The following PRKAG2 variants were observed in gnomAD, a reference collection of about 807,000 sequenced individuals.
PRKAG2 encodes 5'-AMP-activated protein kinase subunit gamma-2.
In PRKAG2, 26 loss-of-function variants were observed where a neutral mutation model predicts 69.6. The observed-to-expected ratio is 0.37, with a 90% CI of 0.27 to 0.52. The LOEUF (loss-of-function observed/expected upper bound fraction) is 0.52. Among genes scored for constraint, PRKAG2 ranks in the 20% least tolerant of loss-of-function variants. The pLI is 0.90. For missense variants in PRKAG2, 557 were observed against 740.0 expected, an observed-to-expected ratio of 0.75 and a Z score of 2.87; for synonymous variants, 293 against 285.0, an observed-to-expected ratio of 1.03 and a Z score of -0.28.
At chr7:151,683,173 A>AG (rs1363680096) in intron 3 of PRKAG2, among the ~76,000 whole-genome samples, 2 of 152,206 alleles carry the variant, frequency 1.3e-5, no homozygotes, top group Non-Finnish European at 2.9e-5. Context: ...ACACCACGAA[A>AG]GGGGGTCCAG....
At position 151,638,526 on chromosome 7, in the gene PRKAG2, C is replaced by T. The variant is rs187670315; in HGVS notation, c.685-6388G>A. 2.1e-3 allele frequency among the ~76,000 whole-genome samples: 320 copies of T among 151,982 alleles called. 1 individual carries two copies. The highest frequency in any genetic ancestry group is 7.3e-3 in the African/African-American group (303 of 41,446). Reference sequence around the variant, plus strand: ...GCGCACACCTGTAGTCCCAGCTACTCGGGAGGCTGAGGCAGGAGAATCGCT... The same window carrying T: ...GCGCACACCTGTAGTCCCAGCTACTTGGGAGGCTGAGGCAGGAGAATCGCT... On this transcript the variant is annotated intron_variant, in intron 4 of 15. Coordinates refer to ENST00000287878, the MANE Select transcript of PRKAG2 (RefSeq NM_016203.4). The surrounding 1 kb of genome is among the most constrained non-coding windows in gnomAD (Gnocchi z 4.3).
intron 1 of PRKAG2, among the ~76,000 whole-genome samples, chr7:151,801,670 T>A (rs1377273218): frequency 6.6e-6 from 1 of 152,198 alleles, no homozygotes; most frequent in Non-Finnish European, 1.5e-5. Context: ...ATTTTTGGTG[T>A]TTTGTTGCCA....
chr7:151,614,928 G>C lies in PRKAG2; in HGVS notation c.754+17141C>G, dbSNP rs765456740. On this transcript the variant is annotated intron_variant, in intron 5 of 15. Transcript: ENST00000287878. The surrounding 1 kb of genome is among the most constrained non-coding windows in gnomAD (Gnocchi z 4.4). ...CAGAGGGAACCTCGAGAGAGGAGCC[G>C]TGTGGATCTAGAGGGAACCTCGAGA... Among the ~76,000 whole-genome samples the C allele has an allele frequency of 6.6e-6, 1 of 152,200 alleles. No individual in the cohort carries two copies. Among genetic ancestry groups the C allele is most frequent in the African/African-American group, 2.4e-5 (1 of 41,458 alleles).
Position 151,556,330 on chromosome 7 carries a change from A to G in PRKAG2, c.*871T>C, listed in dbSNP as rs1803785049. ...AAAAACAATCGCATCAGCAGTCATAACAAACATCATGATTTTACATTTCAA... is the reference window on the plus strand; with the variant it reads ...AAAAACAATCGCATCAGCAGTCATAGCAAACATCATGATTTTACATTTCAA... On this transcript the variant is annotated 3_prime_UTR_variant, in exon 16 of 16. Coordinates refer to ENST00000287878, the MANE Select transcript of PRKAG2 (RefSeq NM_016203.4). 1 of 152,666 alleles carries G rather than the reference A, an allele frequency of 6.6e-6. No individual in the cohort carries two copies. Among genetic ancestry groups the G allele is most frequent in the South Asian group, 2.1e-4 (1 of 4,830 alleles). The allele number at this position is 152,666 out of a possible 1,614,324, so 9.5% of individuals were successfully genotyped here.
intron 3 of PRKAG2, among the ~76,000 whole-genome samples, chr7:151,715,404 G>A (rs1796028030): frequency 6.7e-6 from 1 of 149,534 alleles, no homozygotes; most frequent in African/African-American, 2.5e-5. Context: ...CTGGAGTGCA[G>A]TGGCACAATC....
At chr7:151,826,651 G>A (rs2078910677) in intron 1 of PRKAG2, among the ~76,000 whole-genome samples, 1 of 152,166 alleles carries the variant, frequency 6.6e-6, no homozygotes, top group African/African-American at 2.4e-5. Context: ...AAAAAGTAAT[G>A]ACTGTAAGTG....
chr7:151,842,890 C>T (rs1418539518), intron 1 of PRKAG2, among the ~76,000 whole-genome samples: 1 of 151,888 alleles, frequency 6.6e-6, no homozygotes, highest in Non-Finnish European at 1.5e-5. Context: ...GGAAACGTGT[C>T]TTTAGGATAG....
At chr7:151,624,272 A>T (rs889078548) in intron 5 of PRKAG2, among the ~76,000 whole-genome samples, 2 of 151,670 alleles carry the variant, frequency 1.3e-5, no homozygotes, top group Non-Finnish European at 1.5e-5. Flanking sequence ...TCCTGGACTC[A>T]GGAGGCATGG....
rs191977615 is a variant in PRKAG2 at position 151,725,405 on chromosome 7, T to C, written c.467-49768A>G. On this transcript the variant is annotated intron_variant, in intron 3 of 15. Transcript: ENST00000287878. Reference sequence around the variant, plus strand: ...GGGGAGGAGCATGGGGAGTCAGGGTTGATGGGCCAGAGTTTAAGTGCTTCA... The same window carrying C: ...GGGGAGGAGCATGGGGAGTCAGGGTCGATGGGCCAGAGTTTAAGTGCTTCA... 9.9e-5 allele frequency among the ~76,000 whole-genome samples: 15 copies of C among 151,888 alleles called. No homozygotes were observed. The East Asian group carries it at 1.6e-3, about 16-fold the overall frequency.
chr7:151,570,363 T>A, intron 9 of PRKAG2, 138 bp from the exon 10 acceptor site: 1 of 963,878 alleles, frequency 1.0e-6, no homozygotes, highest in Non-Finnish European at 1.5e-6. Flanking sequence ...TTAATTTGCC[T>A]AAAACTCCTG....
intron 3 of PRKAG2, among the ~76,000 whole-genome samples, chr7:151,768,752 C>T (rs2075871036): frequency 1.3e-5 from 2 of 152,264 alleles, no homozygotes; most frequent in African/African-American, 4.8e-5. Context: ...TAGGCGTGAG[C>T]CACTGCACCT....
At chr7:151,833,201 C>T (rs1268893086) in intron 1 of PRKAG2, among the ~76,000 whole-genome samples, 3 of 152,162 alleles carry the variant, frequency 2.0e-5, no homozygotes, top group African/African-American at 4.8e-5. Flanking sequence ...TAGATGGTCA[C>T]GGAAGGCCTC....
chr7:151,576,528 T>G, intron 6 of PRKAG2, 76 bp from the exon 7 acceptor site: 1 of 1,296,616 alleles, frequency 7.7e-7, no homozygotes, highest in Non-Finnish European at 1.1e-6. Flanking sequence ...TGAGACAAGG[T>G]TTCACTCTGT....
intron 3 of PRKAG2, among the ~76,000 whole-genome samples, chr7:151,754,094 C>G (rs574233340): frequency 6.6e-6 from 1 of 152,176 alleles, no homozygotes; most frequent in Non-Finnish European, 1.5e-5. Flanking sequence ...TTACTGTCTC[C>G]GAAGGTGGGA....
chr7:151,600,179 G>A (rs1173090193), intron 5 of PRKAG2, among the ~76,000 whole-genome samples: 1 of 152,098 alleles, frequency 6.6e-6, no homozygotes, highest in Non-Finnish European at 1.5e-5. Flanking sequence ...CCGTTCTGCC[G>A]AAATCCTTCC....
chr7:151,587,305 G>A (rs1355663958), intron 6 of PRKAG2, among the ~76,000 whole-genome samples: 1 of 152,128 alleles, frequency 6.6e-6, no homozygotes, highest in African/African-American at 2.4e-5. Flanking sequence ...TACTGAAATA[G>A]ATGACTGAAT....
intron 3 of PRKAG2, among the ~76,000 whole-genome samples, chr7:151,730,976 C>T (rs1182727215): frequency 2.6e-5 from 4 of 152,170 alleles, no homozygotes; most frequent in Non-Finnish European, 4.4e-5. Flanking sequence ...GATGAAACAC[C>T]AGCTTCCTGA....
chr7:151,839,172 T>C (rs2079218395), intron 1 of PRKAG2, among the ~76,000 whole-genome samples: 2 of 152,210 alleles, frequency 1.3e-5, no homozygotes, highest in African/African-American at 2.4e-5. Context: ...CAGGGCTCGC[T>C]GCACCAGAAG....
intron 5 of PRKAG2, among the ~76,000 whole-genome samples, chr7:151,626,351 T>C (rs1398131126): frequency 6.6e-6 from 1 of 152,136 alleles, no homozygotes; most frequent in African/African-American, 2.4e-5. Context: ...GATACTGAAA[T>C]GTGTACCTAG....
Sources: allele counts gnomAD v4.1 joint callset (sites outside exome capture counted in the v4.1 genomes callset), GRCh38; gene constraint gnomAD v4.1.1; non-coding constraint Gnocchi (gnomAD v3.1); transcripts MANE v1.5; gene names NCBI Gene and HGNC (gene_info 2026-07-23, HGNC 2026-07-21).